The following KCNB2 variants were observed in gnomAD, a reference collection of about 807,000 sequenced individuals.
KCNB2 encodes the protein potassium voltage-gated channel subfamily B member 2.
KCNB2 carries 15 observed loss-of-function variants against 61.5 expected under a neutral mutation model. That is an observed-to-expected ratio of 0.24 (90% CI 0.16 to 0.38). KCNB2 has a LOEUF of 0.38. Ranked by LOEUF, KCNB2 falls within the 10% of genes least tolerant of loss-of-function variation. The probability of loss-of-function intolerance (pLI) is 1.00; values close to 1 mark genes in which losing one functional copy is unlikely to be tolerated. For synonymous variants in KCNB2, 457 were observed against 446.0 expected (o/e 1.02, Z -0.31); for missense variants, 828 against 1,125.2 (o/e 0.74, Z 3.78).
At chr8:72,664,163 CCTGT>C (rs1281823474) in intron 2 of KCNB2, among the ~76,000 whole-genome samples, 2 of 152,198 alleles carry the variant, frequency 1.3e-5, no homozygotes, top group African/African-American at 4.8e-5. Context: ...GGCTTACCGG[CCTGT>C]CTTTGTCCAG....
Position 72,584,583 on chromosome 8 carries a change from A to G in KCNB2, c.579+16270A>G, listed in dbSNP as rs73303717. Among the ~76,000 whole-genome samples, 140 of 152,302 alleles carry G rather than the reference A, an allele frequency of 9.2e-4. 1 individual carries two copies. The highest frequency in any genetic ancestry group is 3.3e-3 in the African/African-American group (136 of 41,564). On this transcript the variant is annotated intron_variant, in intron 2 of 2. Transcript: ENST00000523207. ...ATATATATTTTTTAAATTTAGACCA[A>G]GATTCACCCAATGATAACATAAACC...
At chr8:72,864,394 G>A (rs1805479567) in intron 2 of KCNB2, among the ~76,000 whole-genome samples, 1 of 152,122 alleles carries the variant, frequency 6.6e-6, no homozygotes, top group African/African-American at 2.4e-5. Context: ...TGTCTTTAAG[G>A]TGGGTCATTT....
At chr8:72,813,077 A>G (rs1432961011) in intron 2 of KCNB2, among the ~76,000 whole-genome samples, 2 of 152,192 alleles carry the variant, frequency 1.3e-5, no homozygotes, top group Admixed American at 6.5e-5. Flanking sequence ...GATGGTCCCT[A>G]TCTTCAAGGA....
chr8:72,817,294 C>T (rs552411997), intron 2 of KCNB2, among the ~76,000 whole-genome samples: 2 of 152,202 alleles, frequency 1.3e-5, no homozygotes, highest in African/African-American at 4.8e-5. Context: ...GTCCCCTTCT[C>T]GCCGTACACC....
In KCNB2 at chr8:72,872,227, C is replaced by T. The variant is rs138484718; in HGVS notation, c.580-63708C>T. On this transcript the variant is annotated intron_variant, in intron 2 of 2. Coordinates refer to ENST00000523207, the MANE Select transcript of KCNB2 (RefSeq NM_004770.3). ...TGGAAATTGCTCCATTTGGCAGCAT[C>T]TGAGTATAAATTGGCATCTCAGCAG... Among the ~76,000 whole-genome samples, 104 of 152,314 alleles carry T rather than the reference C, an allele frequency of 6.8e-4. No homozygotes were observed. The East Asian group carries it at 0.018, about 26-fold the overall frequency.
At chr8:72,709,589 C>T (rs554165744) in intron 2 of KCNB2, among the ~76,000 whole-genome samples, 2 of 151,866 alleles carry the variant, frequency 1.3e-5, no homozygotes, top group African/African-American at 4.8e-5. Context: ...ATGCCATACA[C>T]TTTTAAATAA....
chr8:72,921,488 G>A (rs1806519355), intron 2 of KCNB2, among the ~76,000 whole-genome samples: 2 of 152,246 alleles, frequency 1.3e-5, no homozygotes, highest in Admixed American at 1.3e-4. Context: ...TGGTGTTTCG[G>A]ATGTAAACAT....
chr8:72,625,712 T>G (rs1265799208), intron 2 of KCNB2, among the ~76,000 whole-genome samples: 1 of 152,188 alleles, frequency 6.6e-6, no homozygotes, highest in Non-Finnish European at 1.5e-5. Context: ...ATTGCGGGCA[T>G]GAGCCACTGC....
intron 1 of KCNB2, among the ~76,000 whole-genome samples, chr8:72,554,707 A>T (rs1806396965): frequency 6.6e-6 from 1 of 152,104 alleles, no homozygotes; most frequent in African/African-American, 2.4e-5. Flanking sequence ...TATTTTCAAC[A>T]TTTAAAAAAT....
intron 2 of KCNB2, among the ~76,000 whole-genome samples, chr8:72,579,710 T>C (rs1806860894): frequency 6.6e-6 from 1 of 152,178 alleles, no homozygotes; most frequent in African/African-American, 2.4e-5. Flanking sequence ...TGATACCTAA[T>C]ACAGTAACAG....
rs188093502 is a variant in KCNB2, at chr8:72,625,076, T to C, written c.579+56763T>C. ...CAGCACCAACCAACAGACACCTTTA[T>C]AGCAGCCTGGTGAGACACTAGCGGG... is the stretch of plus-strand genomic sequence containing the variant. On this transcript the variant is annotated intron_variant, in intron 2 of 2. Transcript: ENST00000523207. Among the ~76,000 whole-genome samples the C allele has an allele frequency of 3.3e-3, 510 of 152,320 alleles. 4 individuals carry two copies. The highest frequency in any genetic ancestry group is 0.012 in the African/African-American group (501 of 41,574).
At chr8:72,643,635 A>G (rs1483461000) in intron 2 of KCNB2, among the ~76,000 whole-genome samples, 1 of 152,098 alleles carries the variant, frequency 6.6e-6, no homozygotes, top group East Asian at 1.9e-4. Context: ...CTGAGCTTGT[A>G]TCACTTTTTA....
chr8:72,859,788 C>T (rs1810269127), intron 2 of KCNB2, among the ~76,000 whole-genome samples: 2 of 128,832 alleles, frequency 1.6e-5, no homozygotes, highest in African/African-American at 5.9e-5. Flanking sequence ...GGCATGATCT[C>T]AGCTCACCGC....
intron 1 of KCNB2, among the ~76,000 whole-genome samples, chr8:72,549,488 A>G (rs1022476668): frequency 2.6e-5 from 4 of 152,170 alleles, no homozygotes; most frequent in Admixed American, 2.6e-4. Flanking sequence ...CACTGATGAA[A>G]ACTAGTCAGA....
At chr8:72,920,488 T>TATATATATATATA (rs57048446) in intron 2 of KCNB2, among the ~76,000 whole-genome samples, 38 of 137,206 alleles carry the variant, frequency 2.8e-4, no homozygotes, top group Non-Finnish European at 3.5e-4. Flanking sequence ...TATATATATA[T>TATATATATATATA]TAGCTGGCCA....
intron 1 of KCNB2, among the ~76,000 whole-genome samples, chr8:72,557,121 A>G (rs1216439013): frequency 1.3e-5 from 2 of 152,114 alleles, no homozygotes; most frequent in Non-Finnish European, 2.9e-5. Flanking sequence ...GGATTTCAAC[A>G]TAGGAATTCT....
chr8:72,657,884 C>T (rs1248761582), intron 2 of KCNB2, among the ~76,000 whole-genome samples: 1 of 152,024 alleles, frequency 6.6e-6, no homozygotes, highest in East Asian at 1.9e-4. Flanking sequence ...TGACACAATT[C>T]GCACCCATAT....
chr8:72,646,414 G>T (rs1195819818), intron 2 of KCNB2, among the ~76,000 whole-genome samples: 1 of 152,064 alleles, frequency 6.6e-6, no homozygotes, highest in Admixed American at 6.6e-5. Context: ...CTCTTTCAAA[G>T]AACTGAAGGA....
chr8:72,785,033 T>TA (rs1225336884), intron 2 of KCNB2, among the ~76,000 whole-genome samples: 1 of 152,208 alleles, frequency 6.6e-6, no homozygotes, highest in African/African-American at 2.4e-5. Context: ...TCAGATTTTT[T>TA]AAAAATAACA....
Sources: allele counts gnomAD v4.1 joint callset (sites outside exome capture counted in the v4.1 genomes callset), GRCh38; gene constraint gnomAD v4.1.1; transcripts MANE v1.5; gene names NCBI Gene and HGNC (gene_info 2026-07-23, HGNC 2026-07-21).